Variants in TBL1XR1 observed in about 807,000 individuals in gnomAD.
TBL1XR1 encodes the protein F-box-like/WD repeat-containing protein TBL1XR1.
Under a neutral mutation model 66.9 loss-of-function variants are expected in TBL1XR1, and 5 were observed. The ratio of observed to expected loss-of-function variants is 0.07; its 90% CI spans 0.04 to 0.16. TBL1XR1 has a LOEUF of 0.16. Ranked by LOEUF, TBL1XR1 falls within the 10% of genes least tolerant of loss-of-function variation. The pLI is 1.00. For missense variants in TBL1XR1, 238 were observed against 623.2 expected (o/e 0.38, Z 6.58); for synonymous variants, 210 against 206.0 (o/e 1.02, Z -0.17).
At chr3:177,175,569 A>G (rs1237752410) in intron 1 of TBL1XR1, among the ~76,000 whole-genome samples, 1 of 152,188 alleles carries the variant, frequency 6.6e-6, no homozygotes, top group Non-Finnish European at 1.5e-5. Flanking sequence ...GGGTGAACAC[A>G]CTTAATTTTT....
At chr3:177,147,045 G>C (rs986950146) in intron 1 of TBL1XR1, among the ~76,000 whole-genome samples, 2 of 150,478 alleles carry the variant, frequency 1.3e-5, no homozygotes, top group African/African-American at 4.9e-5. Flanking sequence ...AGATTCCTAA[G>C]ACTTTTTTTT....
At chr3:177,174,395 C>T (rs553391229) in intron 1 of TBL1XR1, among the ~76,000 whole-genome samples, 2 of 111,676 alleles carry the variant, frequency 1.8e-5, no homozygotes, top group East Asian at 2.8e-4. Flanking sequence ...GGTGACAGAG[C>T]GAGACTCCAT....
At chr3:177,088,502 G>A (rs922229093) in intron 2 of TBL1XR1, among the ~76,000 whole-genome samples, 1 of 152,104 alleles carries the variant, frequency 6.6e-6, no homozygotes, top group Admixed American at 6.6e-5. Context: ...AAATACTCTG[G>A]TCCTAAGTAT....
chr3:177,121,194 A>C (rs1283964666), intron 1 of TBL1XR1, among the ~76,000 whole-genome samples: 3 of 152,192 alleles, frequency 2.0e-5, no homozygotes, highest in African/African-American at 7.2e-5. Flanking sequence ...AAACAAACAT[A>C]AACTGAGGAA....
intron 2 of TBL1XR1, among the ~76,000 whole-genome samples, chr3:177,088,710 TAAAAAAAAAA>T: frequency 7.9e-6 from 1 of 126,960 alleles, no homozygotes; most frequent in Non-Finnish European, 1.7e-5. Flanking sequence ...TTCATTTGTT[TAAAAAAAAAA>T]AAAAGAAAAG....
At chr3:177,110,977 T>G (rs1468206514) in intron 1 of TBL1XR1, 1 of 152,230 alleles carries the variant, frequency 6.6e-6, no homozygotes, top group East Asian at 1.9e-4. Context: ...AAGGAACTGC[T>G]CTAACAACTC....
intron 2 of TBL1XR1, among the ~76,000 whole-genome samples, chr3:177,075,036 C>A (rs73187512): frequency 0.074 from 11,331 of 152,230 alleles, 517 homozygotes; most frequent in Admixed American, 0.14. Context: ...AGTTTCCCAG[C>A]GCTACTGTGA....
chr3:177,036,348 T>G (rs1714782165), intron 12 of TBL1XR1, among the ~76,000 whole-genome samples: 1 of 152,240 alleles, frequency 6.6e-6, no homozygotes. Context: ...TTCGCATGAC[T>G]CAGCGTCACC....
At chr3:177,123,919 C>A (rs1727296801) in intron 1 of TBL1XR1, among the ~76,000 whole-genome samples, 1 of 152,058 alleles carries the variant, frequency 6.6e-6, no homozygotes, top group African/African-American at 2.4e-5. Context: ...CATTTTCCTA[C>A]AATTCATGCA....
At position 177,024,559 on chromosome 3, in the gene TBL1XR1, T is replaced by C. The variant is rs1712814639; in HGVS notation, c.*939A>G. 1 of 152,198 alleles carries C rather than the reference T, an allele frequency of 6.6e-6. No individual in the cohort carries two copies. The highest frequency in any genetic ancestry group is 6.6e-5 in the Admixed American group (1 of 15,250). The allele number at this position is 152,198 out of a possible 1,614,324, so 9.4% of individuals were successfully genotyped here. A position where few individuals can be genotyped will look rare whatever the true frequency, so the allele number is the denominator to read the frequency against. On this transcript the variant is annotated 3_prime_UTR_variant, in exon 16 of 16. Transcript: ENST00000457928. Reference sequence around the variant, plus strand: ...AATAGTGCACATTTTTACCATAATTTAGTTATGGCTACAAAACATCAGAAG... The same window carrying C: ...AATAGTGCACATTTTTACCATAATTCAGTTATGGCTACAAAACATCAGAAG...
At chr3:177,069,511 A>G (rs1436445615) in intron 2 of TBL1XR1, among the ~76,000 whole-genome samples, 1 of 152,076 alleles carries the variant, frequency 6.6e-6, no homozygotes, top group Non-Finnish European at 1.5e-5. Context: ...AGGCAGGCAG[A>G]TCACCTGAGG....
chr3:177,068,368 G>A (rs536339865), intron 2 of TBL1XR1, among the ~76,000 whole-genome samples: 2 of 152,272 alleles, frequency 1.3e-5, no homozygotes, highest in South Asian at 4.1e-4. Flanking sequence ...CTATATTAAT[G>A]TAGCCAAAAG....
chr3:177,075,974 A>G (rs1278577983), intron 2 of TBL1XR1, among the ~76,000 whole-genome samples: 1 of 152,122 alleles, frequency 6.6e-6, no homozygotes, highest in African/African-American at 2.4e-5. Flanking sequence ...GAAAAAAAAC[A>G]AAAAAACAAA....
At chr3:177,062,344 T>C (rs1462920339) in intron 3 of TBL1XR1, among the ~76,000 whole-genome samples, 1 of 152,244 alleles carries the variant, frequency 6.6e-6, no homozygotes, top group Non-Finnish European at 1.5e-5. Context: ...CTACAACTAA[T>C]ATAGACCAGT....
At chr3:177,102,521 C>G (rs1420793213) in intron 1 of TBL1XR1, among the ~76,000 whole-genome samples, 1 of 152,146 alleles carries the variant, frequency 6.6e-6, no homozygotes, top group East Asian at 1.9e-4. Flanking sequence ...ATATACTTTA[C>G]AAAGGAATTA....
intron 2 of TBL1XR1, among the ~76,000 whole-genome samples, chr3:177,067,784 G>C (rs1719362245): frequency 6.6e-6 from 1 of 152,062 alleles, no homozygotes; most frequent in Non-Finnish European, 1.5e-5. Context: ...TGAAATTAGA[G>C]AAAATGCCAC....
At chr3:177,146,399 G>C (rs1291811561) in intron 1 of TBL1XR1, among the ~76,000 whole-genome samples, 2 of 151,396 alleles carry the variant, frequency 1.3e-5, no homozygotes, top group African/African-American at 4.9e-5. Flanking sequence ...TGATTCTCCT[G>C]CCTCAGGCTC....
chr3:177,052,054 A>C (rs961300698), intron 4 of TBL1XR1, among the ~76,000 whole-genome samples: 1 of 152,252 alleles, frequency 6.6e-6, no homozygotes, highest in African/African-American at 2.4e-5. Context: ...TGTTAGTCAA[A>C]GCAACAAACA....
chr3:177,037,254 T>C (rs1202023318), intron 12 of TBL1XR1, among the ~76,000 whole-genome samples: 2 of 152,256 alleles, frequency 1.3e-5, no homozygotes, highest in Non-Finnish European at 2.9e-5. Flanking sequence ...AATCTTTACA[T>C]ATGCAAATAA....
Sources: allele counts gnomAD v4.1 joint callset (sites outside exome capture counted in the v4.1 genomes callset), GRCh38; gene constraint gnomAD v4.1.1; transcripts MANE v1.5; gene names NCBI Gene and HGNC (gene_info 2026-07-23, HGNC 2026-07-21).